The following CDK19 variants were observed in gnomAD, a reference collection of about 807,000 sequenced individuals.
CDK19 encodes the protein cyclin-dependent kinase 19.
CDK19 carries 20 observed loss-of-function variants against 68.3 expected under a neutral mutation model. The ratio of observed to expected loss-of-function variants is 0.29; its 90% CI spans 0.21 to 0.43. CDK19 has a LOEUF of 0.43. Among genes scored for constraint, CDK19 ranks in the 20% least tolerant of loss-of-function variants. The pLI is 1.00. For synonymous variants in CDK19, 221 were observed against 222.8 expected (o/e 0.99, Z 0.07); for missense variants, 339 against 623.5 (o/e 0.54, Z 4.86).
At chr6:110,738,602 A>C (rs1008286762) in intron 2 of CDK19, among the ~76,000 whole-genome samples, 4 of 152,166 alleles carry the variant, frequency 2.6e-5, no homozygotes, top group Admixed American at 1.3e-4. Context: ...AACTAAATAG[A>C]TATTTCTCAC....
In CDK19 at chr6:110,614,155, A is replaced by G. The variant is rs1269838897; in HGVS notation, c.*380T>C. ...TATACACCACTGGAATCCTGTTTCTAAAACATTAAAATCCTATTAAAAGAG... is the reference window on the plus strand; with the variant it reads ...TATACACCACTGGAATCCTGTTTCTGAAACATTAAAATCCTATTAAAAGAG... On this transcript the variant is annotated 3_prime_UTR_variant, in exon 13 of 13. Transcript: ENST00000368911. 1.8e-5 allele frequency: 3 copies of G among 163,664 alleles called. No individual in the cohort carries two copies. Among genetic ancestry groups the G allele is most frequent in the African/African-American group, 7.2e-5 (3 of 41,958 alleles). The allele number at this position is 163,664 out of a possible 1,614,324, so 10.1% of individuals were successfully genotyped here. A position where few individuals can be genotyped will look rare whatever the true frequency, so the allele number is the denominator to read the frequency against.
intron 12 of CDK19, among the ~76,000 whole-genome samples, chr6:110,617,905 T>C (rs926679629): frequency 2.7e-5 from 4 of 149,258 alleles, no homozygotes; most frequent in African/African-American, 9.9e-5. Flanking sequence ...AAACACACTT[T>C]GAATTTCTGC....
chr6:110,615,295 G>T (rs1778241990), intron 12 of CDK19, among the ~76,000 whole-genome samples: 1 of 152,046 alleles, frequency 6.6e-6, no homozygotes, highest in Non-Finnish European at 1.5e-5. Flanking sequence ...ACAGAAAAAT[G>T]CATTTCAATT....
chr6:110,728,390 T>TCC (rs1313590608), intron 2 of CDK19, among the ~76,000 whole-genome samples: 1 of 151,964 alleles, frequency 6.6e-6, no homozygotes, highest in Non-Finnish European at 1.5e-5. Context: ...GCCACCTCTC[T>TCC]CCCTTGCTGC....
At chr6:110,726,642 T>C (rs1175281294) in intron 2 of CDK19, among the ~76,000 whole-genome samples, 1 of 152,176 alleles carries the variant, frequency 6.6e-6, no homozygotes, top group Non-Finnish European at 1.5e-5. Flanking sequence ...AAAAAAACTA[T>C]ATTTTTGTTA....
At chr6:110,670,636 C>A in intron 2 of CDK19, 95 bp from the exon 3 acceptor site, 1 of 754,490 alleles carries the variant, frequency 1.3e-6, no homozygotes, top group Non-Finnish European at 2.3e-6. Flanking sequence ...TTCTGAAAAT[C>A]TAGAGAATCC....
intron 2 of CDK19, among the ~76,000 whole-genome samples, chr6:110,713,912 G>A (rs150133554): frequency 2.4e-3 from 368 of 152,182 alleles, no homozygotes; most frequent in Non-Finnish European, 3.5e-3. Flanking sequence ...ACCTTACTGA[G>A]TATTCTTTCT....
Position 110,645,935 on chromosome 6 carries a change from C to A in CDK19, c.457-7229G>T, listed in dbSNP as rs1019177167. On this transcript the variant is annotated intron_variant, in intron 4 of 12. Transcript: ENST00000368911. ...TGCCGGGACAGCAGGTGCAGGAGAGCCTGCGAGCCACCGACCGCGAGGGCT... is the reference window on the plus strand; with the variant it reads ...TGCCGGGACAGCAGGTGCAGGAGAGACTGCGAGCCACCGACCGCGAGGGCT... 30 of 1,100,700 alleles carry A rather than the reference C, an allele frequency of 2.7e-5. No homozygotes were observed. In the Admixed American group the frequency reaches 6.0e-4, roughly 22 times the overall value. 68.2% of individuals were successfully genotyped at this position (1,100,700 alleles called of 1,614,324 possible). A position where few individuals can be genotyped will look rare whatever the true frequency, so the allele number is the denominator to read the frequency against.
chr6:110,781,087 C>T (rs1780777900), intron 1 of CDK19, among the ~76,000 whole-genome samples: 1 of 152,026 alleles, frequency 6.6e-6, no homozygotes, highest in Non-Finnish European at 1.5e-5. Context: ...TGTATTAGTC[C>T]ATTTTGCGTT....
intron 1 of CDK19, among the ~76,000 whole-genome samples, chr6:110,757,127 G>A (rs542668531): frequency 5.3e-5 from 8 of 152,128 alleles, no homozygotes; most frequent in Admixed American, 2.6e-4. Context: ...AACCACACAC[G>A]GGCAGAGAGA....
chr6:110,804,864 T>G (rs1311189952), intron 1 of CDK19, among the ~76,000 whole-genome samples: 1 of 151,152 alleles, frequency 6.6e-6, no homozygotes, highest in Non-Finnish European at 1.5e-5. Context: ...ACTGAGGCAG[T>G]AGAATGGCGT....
chr6:110,731,223 T>C (rs1776736968), intron 2 of CDK19, among the ~76,000 whole-genome samples: 1 of 152,194 alleles, frequency 6.6e-6, no homozygotes, highest in Non-Finnish European at 1.5e-5. Context: ...TTTAGCATTT[T>C]AACAAGATCC....
intron 2 of CDK19, among the ~76,000 whole-genome samples, chr6:110,673,907 T>G (rs1562183787): frequency 6.6e-6 from 1 of 152,080 alleles, no homozygotes; most frequent in Non-Finnish European, 1.5e-5. Context: ...AGGTCTCCTT[T>G]CCATATGTCA....
At chr6:110,751,660 C>A (rs1778484568) in intron 1 of CDK19, among the ~76,000 whole-genome samples, 1 of 152,094 alleles carries the variant, frequency 6.6e-6, no homozygotes. Context: ...GTCCCTGGTC[C>A]CAAAAAGGTT....
chr6:110,682,396 A>G (rs1050302017), intron 2 of CDK19, among the ~76,000 whole-genome samples: 3 of 152,212 alleles, frequency 2.0e-5, no homozygotes, highest in African/African-American at 7.2e-5. Flanking sequence ...CCTAATTCCA[A>G]AATGTTCCAA....
intron 2 of CDK19, among the ~76,000 whole-genome samples, chr6:110,701,747 T>C (rs1774027452): frequency 1.3e-5 from 2 of 152,042 alleles, no homozygotes; most frequent in Non-Finnish European, 2.9e-5. Flanking sequence ...TTTTAAAGCT[T>C]AAGAGCATCC....
intron 1 of CDK19, among the ~76,000 whole-genome samples, chr6:110,792,532 C>T (rs983862280): frequency 1.3e-5 from 2 of 152,102 alleles, no homozygotes; most frequent in African/African-American, 4.8e-5. Flanking sequence ...CTCAGCCTCC[C>T]GAGTAGCTGG....
intron 1 of CDK19, among the ~76,000 whole-genome samples, chr6:110,786,723 C>T (rs1781255088): frequency 6.6e-6 from 1 of 152,004 alleles, no homozygotes; most frequent in South Asian, 2.1e-4. Flanking sequence ...TGGGGAATCA[C>T]GGCATTGTCT....
At position 110,815,399 on chromosome 6, in the gene CDK19, T is replaced by C. The variant is rs706931; in HGVS notation, c.-263A>G. 0.82 allele frequency: 262,012 copies of C among 319,798 alleles called. 108,123 individuals carry two copies. The highest frequency in any genetic ancestry group is 0.95 in the African/African-American group (43,303 of 45,802). 19.8% of individuals were successfully genotyped at this position (319,798 alleles called of 1,614,324 possible). A position where few individuals can be genotyped will look rare whatever the true frequency, so the allele number is the denominator to read the frequency against. ...GCAGGCACCCCCAGTCCCGCCTCCC[T>C]CCTTCATTTCCTTGTTTTGGAACCT... On this transcript the variant is annotated 5_prime_UTR_variant, in exon 1 of 13. Transcript: ENST00000368911.
Sources: gnomAD v4.1 joint callset for allele counts (sites outside exome capture counted in the v4.1 genomes callset) on GRCh38, gnomAD v4.1.1 for gene constraint, MANE v1.5 for transcripts, NCBI Gene and HGNC (gene_info 2026-07-23, HGNC 2026-07-21) for gene names.